Variants in TPD52 observed in about 807,000 individuals in gnomAD.
TPD52 encodes prostate and colon associated protein.
Under a neutral mutation model 31.3 loss-of-function variants are expected in TPD52, and 17 were observed. That is an observed-to-expected ratio of 0.54 (90% CI 0.37 to 0.82). The LOEUF is 0.82. Ranked by LOEUF, TPD52 falls within the 40% of genes least tolerant of loss-of-function variation. TPD52 has a pLI of 0.00. For synonymous variants in TPD52, 83 were observed against 89.6 expected (o/e 0.93, Z 0.42); for missense variants, 212 against 240.1 (o/e 0.88, Z 0.77).
intron 1 of TPD52, 167 bp from the exon 2 acceptor site, chr8:80,064,760 C>T (rs1812937123): frequency 1.4e-6 from 1 of 695,920 alleles, no homozygotes; most frequent in Non-Finnish European, 2.6e-6. Context: ...AAAAGAAAAT[C>T]TGAGCTAACC....
At chr8:80,058,651 A>T (rs1291086068) in intron 2 of TPD52, among the ~76,000 whole-genome samples, 1 of 152,006 alleles carries the variant, frequency 6.6e-6, no homozygotes, top group Non-Finnish European at 1.5e-5. Context: ...TACAGAAATT[A>T]GCTGGGCATG....
intron 1 of TPD52, among the ~76,000 whole-genome samples, chr8:80,074,195 G>C (rs1482442738): frequency 6.6e-6 from 1 of 152,182 alleles, no homozygotes; most frequent in Non-Finnish European, 1.5e-5. Context: ...AGAAACTTCA[G>C]TATCTATGAC....
intron 1 of TPD52, among the ~76,000 whole-genome samples, chr8:80,141,278 A>G (rs977211766): frequency 6.6e-6 from 1 of 151,630 alleles, no homozygotes; most frequent in African/African-American, 2.4e-5. Context: ...CATCTCTATG[A>G]CCCCCAATAT....
intron 1 of TPD52, among the ~76,000 whole-genome samples, chr8:80,156,359 C>A (rs1223537787): frequency 6.6e-6 from 1 of 152,126 alleles, no homozygotes; most frequent in African/African-American, 2.4e-5. Context: ...TATGGCCTAG[C>A]CTTAGAAGTC....
rs189522260 is a variant in TPD52, at chr8:80,145,560, A to G, written c.19+25865T>C. ...ATGGGAATGGGTGACTGTAGGAATC[A>G]TAAGAATTTTTCTTCTTTCAGGAGT... On this transcript the variant is annotated intron_variant, in intron 1 of 7. Coordinates refer to ENST00000518937, the MANE Select transcript of TPD52 (RefSeq NM_001025253.3). Among the ~76,000 whole-genome samples the G allele has an allele frequency of 9.6e-4, 146 of 152,344 alleles. 2 individuals carry two copies. The East Asian group carries it at 0.022, about 23-fold the overall frequency.
chr8:80,090,329 G>A (rs1374904781), intron 1 of TPD52, among the ~76,000 whole-genome samples: 1 of 152,218 alleles, frequency 6.6e-6, no homozygotes, highest in Non-Finnish European at 1.5e-5. Context: ...CAGCCCAGGA[G>A]TTCAAGGCTA....
At chr8:80,148,737 T>C (rs1810374801) in intron 1 of TPD52, among the ~76,000 whole-genome samples, 1 of 152,158 alleles carries the variant, frequency 6.6e-6, no homozygotes, top group Non-Finnish European at 1.5e-5. Flanking sequence ...TTTATTCTCT[T>C]GGATTCTAGG....
intron 1 of TPD52, 41 bp from the exon 2 acceptor site, chr8:80,064,634 A>G: frequency 6.8e-7 from 1 of 1,468,266 alleles, no homozygotes; most frequent in South Asian, 1.1e-5. Flanking sequence ...TGCAAAATCT[A>G]AGTAAAATCC....
intron 1 of TPD52, among the ~76,000 whole-genome samples, chr8:80,070,870 T>C (rs1289096323): frequency 6.6e-6 from 1 of 152,212 alleles, no homozygotes; most frequent in Admixed American, 6.5e-5. Context: ...TGTCTTTATT[T>C]GGAAACAGGA....
chr8:80,081,405 T>C lies in TPD52; in HGVS notation c.20-16812A>G, dbSNP rs550864083. On this transcript the variant is annotated intron_variant, in intron 1 of 7. Coordinates refer to ENST00000518937, the MANE Select transcript of TPD52 (RefSeq NM_001025253.3). ...TTTAACACAGTCTCTTAGCAGAACC[T>C]TTCTATGCTGACTGTGGCCTTGGCT... Among the ~76,000 whole-genome samples the C allele has an allele frequency of 9.2e-5, 14 of 151,570 alleles. No individual in the cohort carries two copies. In the South Asian group the frequency reaches 2.9e-3, roughly 32 times the overall value.
chr8:80,170,670 CA>C (rs1554597486), intron 1 of TPD52, among the ~76,000 whole-genome samples: 1 of 151,994 alleles, frequency 6.6e-6, no homozygotes, highest in Non-Finnish European at 1.5e-5. Flanking sequence ...CGTACAGTCA[CA>C]GGCTTATGAT....
intron 1 of TPD52, among the ~76,000 whole-genome samples, chr8:80,087,849 T>A (rs1040459810): frequency 3.3e-5 from 5 of 152,142 alleles, no homozygotes; most frequent in Admixed American, 6.5e-5. Flanking sequence ...ACCCCACACC[T>A]CTTCATTCCC....
At chr8:80,122,853 T>G (rs997186680) in intron 1 of TPD52, 2 of 152,268 alleles carry the variant, frequency 1.3e-5, no homozygotes, top group African/African-American at 4.8e-5. Flanking sequence ...AGAAGCAGGA[T>G]TCAGGCTGAA....
At chr8:80,166,295 A>T (rs1295156305) in intron 1 of TPD52, among the ~76,000 whole-genome samples, 1 of 152,028 alleles carries the variant, frequency 6.6e-6, no homozygotes, top group African/African-American at 2.4e-5. Context: ...CCTGGGCAAG[A>T]GAGAGAGACT....
chr8:80,072,798 C>CACATACACACACACACACAT (rs977939775), intron 1 of TPD52, among the ~76,000 whole-genome samples: 1 of 141,050 alleles, frequency 7.1e-6, no homozygotes, highest in South Asian at 2.1e-4. Flanking sequence ...CACACACACA[C>CACATACACACACACACACAT]ATATATATAT....
intron 1 of TPD52, among the ~76,000 whole-genome samples, chr8:80,120,913 T>C (rs1161383694): frequency 6.6e-6 from 1 of 151,934 alleles, no homozygotes; most frequent in Non-Finnish European, 1.5e-5. Context: ...AACCCCCATC[T>C]CTAATAAAAT....
chr8:80,040,599 T>C (rs995555665), intron 7 of TPD52, among the ~76,000 whole-genome samples: 2 of 152,186 alleles, frequency 1.3e-5, no homozygotes, highest in Non-Finnish European at 2.9e-5. Flanking sequence ...CAGGAGAGTA[T>C]ATAGTGAATG....
chr8:80,096,089 C>T (rs1816712620), intron 1 of TPD52, among the ~76,000 whole-genome samples: 1 of 152,152 alleles, frequency 6.6e-6, no homozygotes, highest in Admixed American at 6.5e-5. Context: ...AAACCCGTCT[C>T]TATGAAAAAT....
chr8:80,109,228 G>A (rs1328379049), intron 1 of TPD52, among the ~76,000 whole-genome samples: 1 of 152,100 alleles, frequency 6.6e-6, no homozygotes, highest in African/African-American at 2.4e-5. Context: ...CCTTGGTTTG[G>A]CTTCCTAGAT....
Sources: allele counts gnomAD v4.1 joint callset (sites outside exome capture counted in the v4.1 genomes callset), GRCh38; gene constraint gnomAD v4.1.1; transcripts MANE v1.5; gene names NCBI Gene and HGNC (gene_info 2026-07-23, HGNC 2026-07-21).